The following CLIP4 variants were observed in gnomAD, a reference collection of about 807,000 sequenced individuals.
CLIP4 encodes the protein CAP-Gly domain-containing linker protein 4.
In CLIP4, 47 loss-of-function variants were observed where a neutral mutation model predicts 73.1. That is an observed-to-expected ratio of 0.64 (90% confidence interval 0.51 to 0.82). CLIP4 has a LOEUF of 0.82. Among genes scored for constraint, CLIP4 ranks in the 40% least tolerant of loss-of-function variants. The pLI, the probability that CLIP4 is intolerant of heterozygous loss-of-function variation, is 0.00. For synonymous variants in CLIP4, 306 were observed against 295.4 expected (o/e 1.04, Z -0.37); for missense variants, 874 against 852.9 (o/e 1.02, Z -0.31).
At chr2:29,147,175 A>G (rs183655881) in intron 8 of CLIP4, among the ~76,000 whole-genome samples, 2 of 152,224 alleles carry the variant, frequency 1.3e-5, no homozygotes, top group Admixed American at 6.5e-5. Context: ...GAAAATTTCT[A>G]TATTTTAATT....
chr2:29,172,076 T>G (rs1036931309), intron 14 of CLIP4, among the ~76,000 whole-genome samples: 3 of 151,776 alleles, frequency 2.0e-5, no homozygotes, highest in Non-Finnish European at 4.4e-5. Context: ...ATGAATATGC[T>G]TCTTAGTAAT....
intron 6 of CLIP4, among the ~76,000 whole-genome samples, chr2:29,139,998 T>G (rs1433867686): frequency 6.6e-6 from 1 of 152,122 alleles, no homozygotes; most frequent in Non-Finnish European, 1.5e-5. Flanking sequence ...CAATTTTAGT[T>G]ATTTTTTTGA....
At chr2:29,133,902 C>T (rs1665162319) in intron 5 of CLIP4, 86 bp downstream of exon 5, 2 of 1,216,654 alleles carry the variant, frequency 1.6e-6, no homozygotes, top group Non-Finnish European at 2.3e-6. Context: ...ATATTTTTTC[C>T]TTCTAATCCA....
At chr2:29,168,505 GT>G (rs1385739559) in intron 14 of CLIP4, among the ~76,000 whole-genome samples, 6 of 134,684 alleles carry the variant, frequency 4.5e-5, no homozygotes, top group Non-Finnish European at 9.6e-5. Context: ...ACAGGTTATG[GT>G]TTGCCCTTTT....
chr2:29,151,916 C>T (rs2148023331), intron 8 of CLIP4, among the ~76,000 whole-genome samples: 1 of 152,096 alleles, frequency 6.6e-6, no homozygotes, highest in South Asian at 2.1e-4. Flanking sequence ...GAATTTTGTA[C>T]TCCCAGCTGC....
intron 2 of CLIP4, chr2:29,130,936 G>A: frequency 1.6e-6 from 2 of 1,285,838 alleles, no homozygotes; most frequent in Non-Finnish European, 2.0e-6. Context: ...GATAGACTTT[G>A]GAGACAGACC....
At chr2:29,176,661 G>A (rs1329120485) in intron 15 of CLIP4, among the ~76,000 whole-genome samples, 5 of 152,198 alleles carry the variant, frequency 3.3e-5, no homozygotes, top group Non-Finnish European at 7.3e-5. Flanking sequence ...GGTCGTCAGA[G>A]GGACCTGATA....
At chr2:29,099,413 T>C (rs1175018764) in intron 1 of CLIP4, among the ~76,000 whole-genome samples, 1 of 152,240 alleles carries the variant, frequency 6.6e-6, no homozygotes, top group Admixed American at 6.5e-5. Context: ...GATTCATTTA[T>C]TCGTATGTGG....
In CLIP4 at chr2:29,183,117, A is replaced by G. The variant is rs1363563320; in HGVS notation, c.*1224A>G. ...CATTAGAGTGATGTCATAATGTAAA[A>G]TGTTTGCATTGTGGTTAGGTATTGA... is the stretch of plus-strand genomic sequence containing the variant. On this transcript the variant is annotated 3_prime_UTR_variant, in exon 16 of 16. Transcript: ENST00000320081. 6.6e-6 allele frequency: 1 copy of G among 152,544 alleles called. No individual in the cohort carries two copies. Among genetic ancestry groups the G allele is most frequent in the Non-Finnish European group, 1.5e-5 (1 of 68,022 alleles). 9.4% of individuals were successfully genotyped at this position (152,544 alleles called of 1,614,324 possible). A position where few individuals can be genotyped will look rare whatever the true frequency, so the allele number is the denominator to read the frequency against.
At chr2:29,170,113 C>T (rs184237245) in intron 14 of CLIP4, among the ~76,000 whole-genome samples, 72 of 152,292 alleles carry the variant, frequency 4.7e-4, no homozygotes, top group Middle Eastern at 3.4e-3. Context: ...TAATATTCCA[C>T]TGTATTATGT....
chr2:29,131,501 A>T, intron 3 of CLIP4, 104 bp downstream of exon 3: 1 of 1,208,532 alleles, frequency 8.3e-7, no homozygotes, highest in Non-Finnish European at 1.1e-6. Context: ...GAAACCCTTT[A>T]AAAGTTCTGA....
chr2:29,103,672 A>G (rs1244292478), intron 1 of CLIP4, among the ~76,000 whole-genome samples: 1 of 148,972 alleles, frequency 6.7e-6, no homozygotes, highest in Non-Finnish European at 1.5e-5. Context: ...ACTTGTTTCA[A>G]TTTTCGTGGC....
intron 2 of CLIP4, among the ~76,000 whole-genome samples, chr2:29,128,396 G>T (rs1403785393): frequency 4.0e-5 from 6 of 150,594 alleles, no homozygotes; most frequent in African/African-American, 1.5e-4. Context: ...AAGTGACAAA[G>T]ATTTCAAAGG....
At position 29,163,839 on chromosome 2, in the gene CLIP4, T is replaced by C. The variant is rs749636736; in HGVS notation, c.1543T>C (p.Tyr515His). The part of the protein sequence containing the change: ...GTTNFAPGYW[Y>H]GIELEKPHGK... ...CAATATTCATGTTCTAGGATATTGG[T>C]ATGGTATAGAGCTTGAAAAACCCCA... Residue 515 changes from tyrosine to histidine, a missense_variant, in exon 13 of 16, where the codon TAT (tyrosine) becomes CAT (histidine). By Grantham distance (83) the Tyr-to-His change is moderately conservative. Coordinates refer to ENST00000320081, the MANE Select transcript of CLIP4 (RefSeq NM_024692.6). 1.2e-6 allele frequency: 2 copies of C among 1,612,088 alleles called. No individual in the cohort carries two copies. The highest frequency in any genetic ancestry group is 1.7e-6 in the Non-Finnish European group (2 of 1,179,202).
intron 13 of CLIP4, among the ~76,000 whole-genome samples, chr2:29,166,765 A>T (rs1034810472): frequency 1.3e-5 from 2 of 152,190 alleles, no homozygotes; most frequent in African/African-American, 4.8e-5. Context: ...TATATCATGT[A>T]AAAATGATGC....
At chr2:29,166,918 C>G (rs1667659741) in intron 13 of CLIP4, among the ~76,000 whole-genome samples, 1 of 152,084 alleles carries the variant, frequency 6.6e-6, no homozygotes. Flanking sequence ...ATGAGCCTGT[C>G]AGGATTGACT....
At chr2:29,151,969 A>G (rs981371782) in intron 8 of CLIP4, among the ~76,000 whole-genome samples, 118 of 152,004 alleles carry the variant, frequency 7.8e-4, no homozygotes, top group Non-Finnish European at 3.4e-4. Flanking sequence ...CCCCTCCCCA[A>G]AGTACACTGT....
intron 9 of CLIP4, 143 bp downstream of exon 9, chr2:29,152,971 A>C: frequency 1.1e-6 from 1 of 906,502 alleles, no homozygotes; most frequent in Non-Finnish European, 1.7e-6. Flanking sequence ...ATGTGTTTTT[A>C]AACCTCAATT....
At chr2:29,167,630 G>A (rs1667712054) in intron 14 of CLIP4, 90 bp downstream of exon 14, 5 of 892,330 alleles carry the variant, frequency 5.6e-6, no homozygotes, top group South Asian at 2.0e-5. Flanking sequence ...TATACAAAAG[G>A]GTCTATAAAC....
Sources: gnomAD v4.1 joint callset for allele counts (sites outside exome capture counted in the v4.1 genomes callset) on GRCh38, gnomAD v4.1.1 for gene constraint, MANE v1.5 for transcripts, NCBI Gene and HGNC (gene_info 2026-07-23, HGNC 2026-07-21) for gene names.